The following PPP2R2C variants were observed in gnomAD, a reference collection of about 807,000 sequenced individuals.
PPP2R2C encodes the protein protein phosphatase 2 regulatory subunit Bgamma.
PPP2R2C carries 10 observed loss-of-function variants against 45.3 expected under a neutral mutation model. The observed-to-expected ratio is 0.22, with a 90% confidence interval of 0.14 to 0.37. PPP2R2C has a LOEUF of 0.37. Ranked by LOEUF, PPP2R2C falls within the 10% of genes least tolerant of loss-of-function variation. The pLI is 1.00. For synonymous variants in PPP2R2C, 257 were observed against 245.4 expected (o/e 1.05, Z -0.44); for missense variants, 308 against 619.7 (o/e 0.50, Z 5.34).
chr4:6,381,595 C>A, intron 1 of PPP2R2C: 1 of 1,454,040 alleles, frequency 6.9e-7, no homozygotes, highest in Admixed American at 2.7e-5. Flanking sequence ...GGTGAATTAC[C>A]CCCTCTCCTT....
intron 1 of PPP2R2C, among the ~76,000 whole-genome samples, chr4:6,428,015 C>T (rs1719423385): frequency 6.6e-6 from 1 of 152,152 alleles, no homozygotes; most frequent in Non-Finnish European, 1.5e-5. Flanking sequence ...GCTGGGGTGC[C>T]AGGATTTGAA....
chr4:6,374,222 T>C (rs1051115687), intron 4 of PPP2R2C, among the ~76,000 whole-genome samples: 2 of 152,128 alleles, frequency 1.3e-5, no homozygotes, highest in South Asian at 4.1e-4. Flanking sequence ...TCTTGGCATC[T>C]CAGTCCACCT....
intron 1 of PPP2R2C, chr4:6,535,488 C>G (rs920332733): frequency 1.4e-6 from 1 of 712,670 alleles, no homozygotes; most frequent in Non-Finnish European, 2.3e-6. Flanking sequence ...GCCCTGGCCG[C>G]CGCCCGGCAC....
In PPP2R2C at chr4:6,323,108, G is replaced by T; in HGVS notation, c.*194C>A. 1.8e-6 allele frequency: 1 copy of T among 550,542 alleles called. No individual in the cohort carries two copies. The highest frequency in any genetic ancestry group is 3.0e-6 in the Non-Finnish European group (1 of 331,696). The allele number at this position is 550,542 out of a possible 1,614,324, so 34.1% of individuals were successfully genotyped here. On this transcript the variant is annotated 3_prime_UTR_variant, in exon 9 of 9. Coordinates refer to ENST00000382599, the MANE Select transcript of PPP2R2C (RefSeq NM_020416.4). ...TTATTTTTTTAAACAGACAATTACT[G>T]CCAAACACAATTCTGGCCTAGGAAA...
Position 6,345,528 on chromosome 4 carries a change from G to A in PPP2R2C, c.790+2318C>T, listed in dbSNP as rs775528074. On this transcript the variant is annotated intron_variant, in intron 6 of 8. Transcript: ENST00000382599. This position sits in a 1 kb window ranked among gnomAD's most constrained non-coding sequence, Gnocchi z 5.3. ...GGCGATCACAAGGGCCTTTATACGCGAAAGACAGACAGGAGGGTCAGAGAC... is the reference window on the plus strand; with the variant it reads ...GGCGATCACAAGGGCCTTTATACGCAAAAGACAGACAGGAGGGTCAGAGAC... Among the ~76,000 whole-genome samples the A allele has an allele frequency of 2.6e-5, 4 of 152,180 alleles. No homozygotes were observed. Among genetic ancestry groups the A allele is most frequent in the South Asian group, 2.1e-4 (1 of 4,830 alleles).
At chr4:6,554,852 T>A (rs1577256184) in intron 1 of PPP2R2C, among the ~76,000 whole-genome samples, 1 of 113,006 alleles carries the variant, frequency 8.8e-6, no homozygotes, top group African/African-American at 3.6e-5. Context: ...AGAGTGAGAC[T>A]CCATCTCAAA....
At chr4:6,376,836 G>A (rs532951453) in intron 3 of PPP2R2C, among the ~76,000 whole-genome samples, 11 of 152,310 alleles carry the variant, frequency 7.2e-5, no homozygotes, top group East Asian at 1.9e-4. Flanking sequence ...CCTGCCCTTC[G>A]GGAGGATCTC....
At chr4:6,529,624 C>T (rs1017839174) in intron 2 of PPP2R2C, among the ~76,000 whole-genome samples, 1 of 152,194 alleles carries the variant, frequency 6.6e-6, no homozygotes, top group African/African-American at 2.4e-5. Context: ...AAGCCCCTAC[C>T]CCATCCCCCA....
intron 1 of PPP2R2C, among the ~76,000 whole-genome samples, chr4:6,419,538 A>G (rs1718828107): frequency 6.6e-6 from 1 of 152,212 alleles, no homozygotes; most frequent in Non-Finnish European, 1.5e-5. Context: ...CTTCACAGAA[A>G]ATCGAACTTG....
At chr4:6,447,338 C>A (rs925905881) in intron 1 of PPP2R2C, among the ~76,000 whole-genome samples, 1 of 152,128 alleles carries the variant, frequency 6.6e-6, no homozygotes, top group Non-Finnish European at 1.5e-5. Flanking sequence ...CTGGGAGGAA[C>A]CTCCCACCCT....
intron 2 of PPP2R2C, among the ~76,000 whole-genome samples, chr4:6,489,093 C>G (rs1013537412): frequency 6.6e-6 from 1 of 152,232 alleles, no homozygotes; most frequent in African/African-American, 2.4e-5. Flanking sequence ...AGACTCAGCT[C>G]ATTCTTTCAA....
chr4:6,429,530 G>A (rs1457540204), intron 1 of PPP2R2C, among the ~76,000 whole-genome samples: 2 of 152,180 alleles, frequency 1.3e-5, no homozygotes, highest in Non-Finnish European at 2.9e-5. Context: ...TCAACAGTAT[G>A]GGTTGGGGAT....
intron 1 of PPP2R2C, among the ~76,000 whole-genome samples, chr4:6,422,958 A>G (rs1233093594): frequency 6.6e-6 from 1 of 152,164 alleles, no homozygotes; most frequent in Admixed American, 6.5e-5. Context: ...GCAGCATGCC[A>G]TATATTCTAC....
intron 1 of PPP2R2C, among the ~76,000 whole-genome samples, chr4:6,559,576 G>A (rs1011433182): frequency 6.6e-6 from 1 of 152,058 alleles, no homozygotes; most frequent in African/African-American, 2.4e-5. Flanking sequence ...CCCCTGCTGT[G>A]GACTGGATGC....
chr4:6,385,888 A>G lies in PPP2R2C; in HGVS notation c.71-4794T>C, dbSNP rs887194673. On this transcript the variant is annotated intron_variant, in intron 1 of 8. Transcript: ENST00000382599. ...GGCCTACAAGTGCAGTCTTAAGGCC[A>G]TTGTGTGCTCTTCACTAGGTACTGA... is the stretch of plus-strand genomic sequence containing the variant. 7.2e-5 allele frequency among the ~76,000 whole-genome samples: 11 copies of G among 152,136 alleles called. No individual in the cohort carries two copies. The East Asian group carries it at 1.5e-3, about 21-fold the overall frequency.
At chr4:6,389,531 G>C (rs977222026) in intron 1 of PPP2R2C, among the ~76,000 whole-genome samples, 7 of 152,174 alleles carry the variant, frequency 4.6e-5, no homozygotes, top group Admixed American at 6.5e-5. Context: ...AGAGGAAGAG[G>C]CTCCTGCAGC....
intron 1 of PPP2R2C, among the ~76,000 whole-genome samples, chr4:6,468,436 G>C (rs1721692617): frequency 6.6e-6 from 1 of 152,148 alleles, no homozygotes; most frequent in African/African-American, 2.4e-5. Context: ...GGAAAACATG[G>C]GTACATCCTT....
intron 2 of PPP2R2C, among the ~76,000 whole-genome samples, chr4:6,490,616 G>C (rs1365891462): frequency 6.6e-6 from 1 of 152,148 alleles, no homozygotes; most frequent in Non-Finnish European, 1.5e-5. Context: ...GGGGAAACAT[G>C]ACTGCAAACC....
At chr4:6,523,834 G>A (rs1724103110) in intron 2 of PPP2R2C, among the ~76,000 whole-genome samples, 1 of 152,206 alleles carries the variant, frequency 6.6e-6, no homozygotes, top group South Asian at 2.1e-4. Context: ...TCCATCCACA[G>A]ACGAATGGAT....
Sources: allele counts gnomAD v4.1 joint callset (sites outside exome capture counted in the v4.1 genomes callset), GRCh38; gene constraint gnomAD v4.1.1; non-coding constraint Gnocchi (gnomAD v3.1); transcripts MANE v1.5; gene names NCBI Gene and HGNC (gene_info 2026-07-23, HGNC 2026-07-21).